The following HMGB1 variants were observed in gnomAD, a reference collection of about 807,000 sequenced individuals.
The protein encoded by HMGB1 is high mobility group box 1.
For synonymous variants in HMGB1, 81 were observed against 84.0 expected (o/e 0.96, Z 0.19); for missense variants, 79 against 253.5 (o/e 0.31, Z 4.67).
chr13:30,460,537 G>A lies in HMGB1; in HGVS notation c.*820C>T, dbSNP rs1485464850. On this transcript the variant is annotated 3_prime_UTR_variant, in exon 5 of 5. Transcript: ENST00000341423. ...GGGAGTTAAAGAATAGAGTCCTCAT[G>A]TAAAGGTTAGAACATACTTTTCTAT... The A allele has an allele frequency of 6.6e-6, 1 of 152,332 alleles. No individual in the cohort carries two copies. The highest frequency in any genetic ancestry group is 6.6e-5 in the Admixed American group (1 of 15,250). 9.4% of individuals were successfully genotyped at this position (152,332 alleles called of 1,614,324 possible).
At chr13:30,597,050 T>A (rs1269398885) in intron 1 of HMGB1, among the ~76,000 whole-genome samples, 1 of 152,238 alleles carries the variant, frequency 6.6e-6, no homozygotes, top group East Asian at 1.9e-4. Flanking sequence ...TCTGTTCTTC[T>A]CTGTAAAACA....
intron 1 of HMGB1, chr13:30,540,609 G>C (rs1868824927): frequency 7.0e-6 from 1 of 143,032 alleles, no homozygotes; most frequent in South Asian, 2.2e-4. Flanking sequence ...TTGAGATGGA[G>C]TTTTCGCTCT....
At chr13:30,543,470 C>T (rs182279006) in intron 1 of HMGB1, 118 of 157,770 alleles carry the variant, frequency 7.5e-4, no homozygotes, top group Non-Finnish European at 1.4e-3. Context: ...ATCTTGAGAG[C>T]GTCTGAGGTG....
chr13:30,606,782 CT>C (rs1950462668), intron 1 of HMGB1, among the ~76,000 whole-genome samples: 1 of 152,156 alleles, frequency 6.6e-6, no homozygotes, highest in African/African-American at 2.4e-5. Context: ...CCTAACAATG[CT>C]TATGGTTAGA....
At chr13:30,478,741 A>G (rs1887156369) in intron 1 of HMGB1, among the ~76,000 whole-genome samples, 3 of 152,176 alleles carry the variant, frequency 2.0e-5, no homozygotes, top group South Asian at 4.1e-4. Context: ...ATCATAGCTC[A>G]CTGCAGCCTC....
rs140283621 is a variant in HMGB1 at position 30,587,595 on chromosome 13, G to A, written c.-15+29076C>T. On this transcript the variant is annotated intron_variant, in intron 1 of 4. Transcript: ENST00000405805. ...GTGATTTATTAAATAACTTGGATTT[G>A]TATCTACCAGCATGTTCTTTGAGGT... is the stretch of plus-strand genomic sequence containing the variant. Among the ~76,000 whole-genome samples, 543 of 152,292 alleles carry A rather than the reference G, an allele frequency of 3.6e-3. 2 individuals are homozygous for A. The highest frequency in any genetic ancestry group is 0.011 in the African/African-American group (461 of 41,552).
intron 1 of HMGB1, chr13:30,554,042 G>C: frequency 7.0e-7 from 1 of 1,423,840 alleles, no homozygotes; most frequent in Non-Finnish European, 9.9e-7. Flanking sequence ...TTAAATGTGC[G>C]CAGTACTGGC....
At chr13:30,475,124 CT>C (rs1887055725) in intron 1 of HMGB1, among the ~76,000 whole-genome samples, 1 of 49,446 alleles carries the variant, frequency 2.0e-5, no homozygotes, top group Non-Finnish European at 3.9e-5. Context: ...CACTGTCTCT[CT>C]CTCTCTCTCT....
At chr13:30,554,583 C>G in intron 1 of HMGB1, 2 of 770,940 alleles carry the variant, frequency 2.6e-6, no homozygotes, top group Non-Finnish European at 4.8e-6. Flanking sequence ...GATCATTCAC[C>G]GAACAAAATA....
At chr13:30,472,810 C>T (rs894440976) in intron 1 of HMGB1, among the ~76,000 whole-genome samples, 3 of 151,310 alleles carry the variant, frequency 2.0e-5, no homozygotes, top group Non-Finnish European at 4.4e-5. Flanking sequence ...TGAGGTCAAC[C>T]ATATAACCAT....
At chr13:30,574,175 C>T (rs554915075) in intron 1 of HMGB1, among the ~76,000 whole-genome samples, 2 of 152,216 alleles carry the variant, frequency 1.3e-5, no homozygotes, top group Non-Finnish European at 2.9e-5. Flanking sequence ...GAAATCCTGA[C>T]AAACACTCCT....
chr13:30,600,697 C>T (rs916976176), intron 1 of HMGB1, among the ~76,000 whole-genome samples: 2 of 152,092 alleles, frequency 1.3e-5, no homozygotes, highest in African/African-American at 2.4e-5. Flanking sequence ...ACCTCCGCCT[C>T]CTGGGTTCAA....
chr13:30,589,502 C>T (rs1871288946), intron 1 of HMGB1, among the ~76,000 whole-genome samples: 1 of 152,090 alleles, frequency 6.6e-6, no homozygotes, highest in Non-Finnish European at 1.5e-5. Flanking sequence ...CAAAAGTGTA[C>T]AGTCAGAAGA....
At chr13:30,577,235 G>A (rs1356448992) in intron 1 of HMGB1, among the ~76,000 whole-genome samples, 2 of 152,046 alleles carry the variant, frequency 1.3e-5, no homozygotes, top group South Asian at 2.1e-4. Context: ...AGCTCCTCAG[G>A]AGGCTGAGGC....
chr13:30,557,552 A>G (rs963016882), intron 1 of HMGB1, among the ~76,000 whole-genome samples: 3 of 152,212 alleles, frequency 2.0e-5, no homozygotes, highest in African/African-American at 7.2e-5. Context: ...TGTTGACCTA[A>G]GACTCTTACA....
rs1287922778 is a variant in HMGB1 at position 30,559,355 on chromosome 13, T to C, written c.-15+57316A>G. ...CAAGACCATGGCTTATTTTACAGGG[T>C]GAACTCCCAATCCCGGTAAGATGGC... On this transcript the variant is annotated intron_variant, in intron 1 of 4. Transcript: ENST00000405805. This position sits in a 1 kb window ranked among gnomAD's most constrained non-coding sequence, Gnocchi z 6.6. Among the ~76,000 whole-genome samples the C allele has an allele frequency of 6.6e-6, 1 of 152,128 alleles. No homozygotes were observed. Among genetic ancestry groups the C allele is most frequent in the African/African-American group, 2.4e-5 (1 of 41,420 alleles).
chr13:30,594,306 T>C (rs1300916441), intron 1 of HMGB1, among the ~76,000 whole-genome samples: 1 of 152,256 alleles, frequency 6.6e-6, no homozygotes, highest in Non-Finnish European at 1.5e-5. Context: ...GGACCTCTAA[T>C]GTTCCTGTTG....
chr13:30,531,401 G>A (rs1888489807), intron 1 of HMGB1, among the ~76,000 whole-genome samples: 1 of 152,062 alleles, frequency 6.6e-6, no homozygotes, highest in Admixed American at 6.6e-5. Flanking sequence ...AGGCACAGTG[G>A]CTATTCATTG....
At chr13:30,536,511 G>A (rs1037331401) in intron 1 of HMGB1, among the ~76,000 whole-genome samples, 6 of 152,136 alleles carry the variant, frequency 3.9e-5, no homozygotes, top group Middle Eastern at 3.4e-3. Flanking sequence ...CACCACACCC[G>A]GCTAATTTTT....
Sources: gnomAD v4.1 joint callset for allele counts (sites outside exome capture counted in the v4.1 genomes callset) on GRCh38, gnomAD v4.1.1 for gene constraint, Gnocchi (gnomAD v3.1) non-coding constraint, MANE v1.5 for transcripts, NCBI Gene and HGNC (gene_info 2026-07-23, HGNC 2026-07-21) for gene names.